Variants in PTPRD observed in about 807,000 individuals in gnomAD.
PTPRD encodes the protein receptor-type tyrosine-protein phosphatase delta.
PTPRD carries 34 observed loss-of-function variants against 214.5 expected under a neutral mutation model. That is an observed-to-expected ratio of 0.16 (90% confidence interval 0.12 to 0.21). The LOEUF (loss-of-function observed/expected upper bound fraction) is 0.21, where lower values mean the gene tolerates loss of function less well. PTPRD is among the 10% of genes least tolerant of loss of function. The pLI, the probability that PTPRD is intolerant of heterozygous loss-of-function variation, is 1.00. For synonymous variants in PTPRD, 1,128 were observed against 845.7 expected (o/e 1.33, Z -5.79); for missense variants, 2,545 against 2,398.7 (o/e 1.06, Z -1.27).
chr9:8,878,629 G>A (rs2098416059), intron 11 of PTPRD, among the ~76,000 whole-genome samples: 1 of 152,016 alleles, frequency 6.6e-6, no homozygotes, highest in South Asian at 2.1e-4. Context: ...CCAGGCTCAA[G>A]CAGTCCTCCC....
chr9:9,120,645 G>A (rs2099816744), intron 10 of PTPRD, among the ~76,000 whole-genome samples: 2 of 152,126 alleles, frequency 1.3e-5, no homozygotes, highest in African/African-American at 4.8e-5. Flanking sequence ...TGGAGAGGAG[G>A]GTAAAAATTC....
At chr9:10,281,029 A>G (rs1411764058) in intron 3 of PTPRD, among the ~76,000 whole-genome samples, 2 of 152,178 alleles carry the variant, frequency 1.3e-5, no homozygotes, top group Admixed American at 6.5e-5. Flanking sequence ...CAGCACATTC[A>G]TCTAGCAGTT....
chr9:9,970,095 T>C (rs1044727673), intron 4 of PTPRD, among the ~76,000 whole-genome samples: 1 of 152,084 alleles, frequency 6.6e-6, no homozygotes, highest in Non-Finnish European at 1.5e-5. Context: ...TAAGGCCATA[T>C]TAAGGATTAT....
chr9:8,610,742 C>G (rs1212604372), intron 14 of PTPRD, among the ~76,000 whole-genome samples: 2 of 152,216 alleles, frequency 1.3e-5, no homozygotes, highest in African/African-American at 4.8e-5. Flanking sequence ...TTCATCCAGT[C>G]TAGTTCTGCT....
chr9:9,662,770 G>A (rs2096644779), intron 7 of PTPRD, among the ~76,000 whole-genome samples: 1 of 151,490 alleles, frequency 6.6e-6, no homozygotes, highest in Non-Finnish European at 1.5e-5. Flanking sequence ...CCAGAAATGG[G>A]ATTGCTATAA....
intron 2 of PTPRD, among the ~76,000 whole-genome samples, chr9:10,360,786 A>T (rs1409595007): frequency 1.3e-5 from 2 of 152,146 alleles, no homozygotes; most frequent in East Asian, 3.9e-4. Flanking sequence ...GATAAAAGCA[A>T]TCTCATTAAA....
chr9:8,689,411 C>A (rs936864972), intron 12 of PTPRD, among the ~76,000 whole-genome samples: 2 of 152,090 alleles, frequency 1.3e-5, no homozygotes, highest in Non-Finnish European at 2.9e-5. Context: ...ACACCCAAGA[C>A]TGGGAAGAAA....
intron 8 of PTPRD, among the ~76,000 whole-genome samples, chr9:9,450,386 G>A (rs2091810797): frequency 1.3e-5 from 2 of 151,884 alleles, no homozygotes; most frequent in Admixed American, 6.6e-5. Flanking sequence ...CCCACCAGCA[G>A]TATAAAAGTG....
chr9:9,980,567 C>T (rs2095504861), intron 4 of PTPRD, among the ~76,000 whole-genome samples: 1 of 123,714 alleles, frequency 8.1e-6, no homozygotes, highest in African/African-American at 3.1e-5. Context: ...AGAGTTCACG[C>T]CACTGCACTC....
chr9:8,625,300 C>G (rs2095986556), intron 14 of PTPRD, among the ~76,000 whole-genome samples: 1 of 151,696 alleles, frequency 6.6e-6, no homozygotes, highest in South Asian at 2.1e-4. Context: ...TTATTAAAAG[C>G]CATCACGTTT....
chr9:10,204,576 G>A (rs2099457286), intron 3 of PTPRD, among the ~76,000 whole-genome samples: 1 of 151,952 alleles, frequency 6.6e-6, no homozygotes, highest in Admixed American at 6.6e-5. Context: ...CATATCATTT[G>A]TTCTGATTTA....
chr9:9,612,459 T>C (rs1416535011), intron 7 of PTPRD, among the ~76,000 whole-genome samples: 1 of 152,174 alleles, frequency 6.6e-6, no homozygotes, highest in African/African-American at 2.4e-5. Flanking sequence ...GCACCTGTTG[T>C]TTTGCTGAGG....
At chr9:9,463,402 G>A (rs764347383) in intron 8 of PTPRD, among the ~76,000 whole-genome samples, 2 of 152,096 alleles carry the variant, frequency 1.3e-5, no homozygotes, top group African/African-American at 2.4e-5. Flanking sequence ...CAGGAAGAGG[G>A]AGATTTGGAG....
intron 14 of PTPRD, among the ~76,000 whole-genome samples, chr9:8,562,361 T>C (rs1477016653): frequency 6.6e-6 from 1 of 152,122 alleles, no homozygotes; most frequent in Admixed American, 6.5e-5. Flanking sequence ...ATTAAAAAAT[T>C]AAGTATTTTT....
chr9:9,326,189 C>T (rs2039806951), intron 9 of PTPRD, among the ~76,000 whole-genome samples: 1 of 152,026 alleles, frequency 6.6e-6, no homozygotes, highest in Non-Finnish European at 1.5e-5. Flanking sequence ...AAGGGAAAGA[C>T]AGGAGCCCAT....
intron 10 of PTPRD, among the ~76,000 whole-genome samples, chr9:9,142,737 C>G (rs2099862456): frequency 6.6e-6 from 1 of 152,144 alleles, no homozygotes; most frequent in Non-Finnish European, 1.5e-5. Flanking sequence ...TAATTGAATT[C>G]TATTTTTCTG....
chr9:9,679,121 GA>G (rs35030963), intron 7 of PTPRD, among the ~76,000 whole-genome samples: 8,584 of 141,402 alleles, frequency 0.061, 376 homozygotes, highest in African/African-American at 0.12. Context: ...GAAAAAGGGG[GA>G]AAAAAAAAAA....
intron 3 of PTPRD, among the ~76,000 whole-genome samples, chr9:10,097,200 AG>A (rs1426088413): frequency 1.4e-5 from 2 of 147,060 alleles, no homozygotes; most frequent in Non-Finnish European, 3.0e-5. Context: ...CTTTTGGCTT[AG>A]GATTGACTTG....
intron 3 of PTPRD, among the ~76,000 whole-genome samples, chr9:10,066,333 A>T (rs758550008): frequency 7.9e-5 from 12 of 151,756 alleles, no homozygotes; most frequent in Non-Finnish European, 1.5e-4. Flanking sequence ...CAAATTTAAC[A>T]CCCGTTTCAA....
Sources: allele counts gnomAD v4.1 joint callset (sites outside exome capture counted in the v4.1 genomes callset), GRCh38; gene constraint gnomAD v4.1.1; transcripts MANE v1.5; gene names NCBI Gene and HGNC (gene_info 2026-07-23, HGNC 2026-07-21).